The following IPCEF1 variants were observed in gnomAD, a reference collection of about 807,000 sequenced individuals.
IPCEF1 encodes the protein interaction protein for cytohesin exchange factors 1.
In IPCEF1, 31 loss-of-function variants were observed where a neutral mutation model predicts 50.9. The ratio of observed to expected loss-of-function variants is 0.61; its 90% CI spans 0.46 to 0.82. IPCEF1 has a LOEUF of 0.82. Among genes scored for constraint, IPCEF1 ranks in the 40% least tolerant of loss-of-function variants. The probability of loss-of-function intolerance (pLI) is 0.00; values close to 1 mark genes in which losing one functional copy is unlikely to be tolerated. For synonymous variants in IPCEF1, 181 were observed against 192.0 expected, an observed-to-expected ratio of 0.94 and a Z score of 0.47; for missense variants, 458 against 514.0, an observed-to-expected ratio of 0.89 and a Z score of 1.05.
intron 11 of IPCEF1, among the ~76,000 whole-genome samples, chr6:154,160,700 T>C (rs1798938449): frequency 6.6e-6 from 1 of 152,184 alleles, no homozygotes; most frequent in Non-Finnish European, 1.5e-5. Flanking sequence ...TAGAGTTTTC[T>C]ATAGACAAGG....
intron 11 of IPCEF1, among the ~76,000 whole-genome samples, chr6:154,164,013 C>T (rs1043179393): frequency 1.3e-5 from 2 of 152,248 alleles, no homozygotes; most frequent in East Asian, 3.9e-4. Flanking sequence ...TCTATGCTTC[C>T]AAAACAACTT....
chr6:154,234,216 TA>T (rs1339640775), intron 5 of IPCEF1, among the ~76,000 whole-genome samples: 1 of 152,018 alleles, frequency 6.6e-6, no homozygotes, highest in Non-Finnish European at 1.5e-5. Flanking sequence ...AATACATAAA[TA>T]AACAAATCAA....
At chr6:154,262,026 A>T (rs1000110335) in intron 3 of IPCEF1, among the ~76,000 whole-genome samples, 1 of 152,242 alleles carries the variant, frequency 6.6e-6, no homozygotes, top group African/African-American at 2.4e-5. Flanking sequence ...AAATGACAGC[A>T]GAAAATTGAA....
rs1481295881 is a variant in IPCEF1, at chr6:154,246,748, A to T, written c.89T>A (p.Met30Lys). 1 of 1,613,786 alleles carries T rather than the reference A, an allele frequency of 6.2e-7. No homozygotes were observed. The change falls in exon 5 of 12, where the codon ATG (methionine) becomes AAG (lysine). Residue 30 changes from methionine (M) to lysine (K), a missense_variant. By Grantham distance (95) the Met-to-Lys change is moderately conservative (BLOSUM62 -1). Transcript: ENST00000367220. ...PRRKTQGFLT[M>K]SRRRISCKDL... ...TTTACACGATATCCTCCTCCGACTC[A>T]TCGTGAGAAAACCTGCAATGATTAC... is the stretch of plus-strand genomic sequence containing the variant.
chr6:154,160,157 T>G (rs1271271421), intron 11 of IPCEF1, 117 bp from the exon 12 acceptor site: 1 of 760,268 alleles, frequency 1.3e-6, no homozygotes, highest in African/African-American at 1.8e-5. Flanking sequence ...AAAGCATTTT[T>G]GCACGTTAAT....
intron 10 of IPCEF1, among the ~76,000 whole-genome samples, chr6:154,172,221 C>T (rs1265149509): frequency 1.3e-5 from 2 of 152,208 alleles, no homozygotes; most frequent in Non-Finnish European, 2.9e-5. Flanking sequence ...CCAGTGAAAT[C>T]AATGCAGAAG....
intron 1 of IPCEF1, among the ~76,000 whole-genome samples, chr6:154,337,192 G>T (rs1160966286): frequency 6.6e-6 from 1 of 152,128 alleles, no homozygotes; most frequent in Non-Finnish European, 1.5e-5. Flanking sequence ...AACAGCCAGA[G>T]CTCAGAAGTT....
chr6:154,264,226 C>A (rs1216601569), intron 3 of IPCEF1, among the ~76,000 whole-genome samples: 1 of 151,040 alleles, frequency 6.6e-6, no homozygotes, highest in Non-Finnish European at 1.5e-5. Flanking sequence ...TCCTACAATG[C>A]ATGACTTCTT....
At chr6:154,271,413 T>G (rs1023503574) in intron 2 of IPCEF1, among the ~76,000 whole-genome samples, 1 of 151,686 alleles carries the variant, frequency 6.6e-6, no homozygotes, top group Admixed American at 6.6e-5. Context: ...GGAATGAAAA[T>G]ATGAGTTTCA....
intron 3 of IPCEF1, among the ~76,000 whole-genome samples, chr6:154,251,940 A>G (rs2128646424): frequency 6.6e-6 from 1 of 152,334 alleles, no homozygotes; most frequent in Non-Finnish European, 1.5e-5. Context: ...AACAATTGCA[A>G]TAAATGACTT....
At chr6:154,200,388 A>G (rs756866280) in intron 9 of IPCEF1, among the ~76,000 whole-genome samples, 6 of 152,218 alleles carry the variant, frequency 3.9e-5, no homozygotes, top group Non-Finnish European at 7.3e-5. Flanking sequence ...TTTGCAATCT[A>G]TCACTGAATT....
Position 154,199,788 on chromosome 6 carries a change from C to A in IPCEF1, c.790G>T (p.Val264Phe), listed in dbSNP as rs765856773. 6.2e-7 allele frequency: 1 copy of A among 1,614,218 alleles called. No individual in the cohort carries two copies. The highest frequency in any genetic ancestry group is 1.7e-5 in the Admixed American group (1 of 60,028). ...TTCAAAAATCCACTTTCTGATGTGACAAAACTGTTTTCCAGGGCCTTGTGG... is the reference window on the plus strand; with the variant it reads ...TTCAAAAATCCACTTTCTGATGTGAAAAAACTGTTTTCCAGGGCCTTGTGG... ...GIHKALENSF[V>F]TSESGFLNSL... is the part of the protein sequence containing the mutation. The change falls in exon 10 of 12, where the codon GTC (valine) becomes TTC (phenylalanine). Residue 264 changes from valine (V) to phenylalanine (F), a missense_variant. Transcript: ENST00000367220.
rs563606646 is a variant in IPCEF1 at position 154,294,980 on chromosome 6, T to C, written c.-61-5224A>G. 1.4e-3 allele frequency among the ~76,000 whole-genome samples: 218 copies of C among 150,448 alleles called. 1 individual carries two copies. Among genetic ancestry groups the C allele is most frequent in the Middle Eastern group, 3.4e-3 (1 of 294 alleles). ...TTGGGAGGCCAAGGCGGGCACATTATGAGGTCAGGAGATCGAGACCAGCCT... is the reference window on the plus strand; with the variant it reads ...TTGGGAGGCCAAGGCGGGCACATTACGAGGTCAGGAGATCGAGACCAGCCT... On this transcript the variant is annotated intron_variant, in intron 1 of 11. Transcript: ENST00000367220.
chr6:154,303,703 C>T (rs1031716850), intron 1 of IPCEF1, among the ~76,000 whole-genome samples: 3 of 152,176 alleles, frequency 2.0e-5, no homozygotes, highest in African/African-American at 7.2e-5. Context: ...AGGAGGATTG[C>T]TTGAGTCCAG....
chr6:154,352,131 C>T lies in IPCEF1; in HGVS notation c.-62+4541G>A, dbSNP rs746469928. On this transcript the variant is annotated intron_variant, in intron 1 of 11. Transcript: ENST00000367220. ...CATATCCTGCACATGCACACTGGAA[C>T]GTAAAGTAAAAGTTGAAGAAAAAAA... 1.1e-4 allele frequency among the ~76,000 whole-genome samples: 16 copies of T among 149,582 alleles called. 1 individual carries two copies. Among genetic ancestry groups the T allele is most frequent in the Admixed American group, 2.0e-4 (3 of 14,974 alleles).
At chr6:154,329,451 G>T in intron 1 of IPCEF1, among the ~76,000 whole-genome samples, 1 of 151,966 alleles carries the variant, frequency 6.6e-6, no homozygotes, top group South Asian at 2.1e-4. Context: ...AAAAAAATTA[G>T]CCAGGTGTGG....
chr6:154,304,095 C>T (rs1188425494), intron 1 of IPCEF1, among the ~76,000 whole-genome samples: 4 of 151,550 alleles, frequency 2.6e-5, no homozygotes, highest in South Asian at 2.1e-4. Context: ...TGGTGGGGCA[C>T]ACCGGTAGTC....
intron 10 of IPCEF1, among the ~76,000 whole-genome samples, chr6:154,198,561 C>A (rs1776809578): frequency 6.6e-6 from 1 of 151,696 alleles, no homozygotes; most frequent in African/African-American, 2.4e-5. Flanking sequence ...AGAGTGGTGA[C>A]AACTGTTATA....
intron 1 of IPCEF1, chr6:154,306,848 T>C (rs954357490): frequency 1.3e-5 from 2 of 152,228 alleles, no homozygotes; most frequent in Non-Finnish European, 2.9e-5. Context: ...ATCTCATTTT[T>C]TTTGTATATC....
Sources: allele counts gnomAD v4.1 joint callset (sites outside exome capture counted in the v4.1 genomes callset), GRCh38; gene constraint gnomAD v4.1.1; transcripts MANE v1.5; gene names NCBI Gene and HGNC (gene_info 2026-07-23, HGNC 2026-07-21).